The following PDE1A variants were observed in gnomAD, a reference collection of about 807,000 sequenced individuals.
PDE1A encodes the protein phosphodiesterase 1A, also known as dual specificity calcium/calmodulin-dependent 3',5'-cyclic nucleotide phosphodiesterase 1A.
In PDE1A, 35 loss-of-function variants were observed where a neutral mutation model predicts 61.7. The ratio of observed to expected loss-of-function variants is 0.57; its 90% CI spans 0.43 to 0.75. PDE1A has a LOEUF of 0.75. PDE1A is among the 30% of genes least tolerant of loss of function. The pLI is 0.00. For missense variants in PDE1A, 597 were observed against 630.6 expected (o/e 0.95, Z 0.57); for synonymous variants, 232 against 213.2 (o/e 1.09, Z -0.77).
the PDE1A span, among the ~76,000 whole-genome samples, chr2:182,708,086 C>T: frequency 6.6e-6 from 1 of 152,118 alleles, no homozygotes; most frequent in Non-Finnish European, 1.5e-5. Flanking sequence ...TTGATCATTA[C>T]ATATTATATA....
the PDE1A span, among the ~76,000 whole-genome samples, chr2:182,662,236 A>C: frequency 6.6e-6 from 1 of 151,206 alleles, no homozygotes; most frequent in Non-Finnish European, 1.5e-5. Flanking sequence ...TATCCAAAAA[A>C]AAGTTTGTTA....
At chr2:182,247,965 T>C (rs1342330166) in intron 2 of PDE1A, among the ~76,000 whole-genome samples, 1 of 152,172 alleles carries the variant, frequency 6.6e-6, no homozygotes, top group East Asian at 1.9e-4. Context: ...GTAAATGCTT[T>C]TTAAAAATGA....
At chr2:182,605,604 G>A in the PDE1A span, among the ~76,000 whole-genome samples, 1 of 152,174 alleles carries the variant, frequency 6.6e-6, no homozygotes, top group South Asian at 2.1e-4. Flanking sequence ...AAGTTTGCTT[G>A]TTTCCACTAT....
chr2:182,174,990 T>C (rs2368254), intron 13 of PDE1A, among the ~76,000 whole-genome samples: 113,425 of 151,956 alleles, frequency 0.75, 42,564 homozygotes, highest in East Asian at 0.91. Flanking sequence ...TAAGAACATG[T>C]TGTATTTGGT....
chr2:182,523,148 G>T (rs1690662311), upstream of PDE1A: 1 of 152,156 alleles, frequency 6.6e-6, no homozygotes, highest in Non-Finnish European at 1.5e-5. Context: ...AATTTAACCA[G>T]TGGAAAATAC....
chr2:182,662,330 GA>G, the PDE1A span, among the ~76,000 whole-genome samples: 3 of 70,866 alleles, frequency 4.2e-5, no homozygotes, highest in East Asian at 3.7e-4. Context: ...CTTAAAAATT[GA>G]AAAAAAAAAG....
At chr2:182,651,003 T>TTGTTG in the PDE1A span, among the ~76,000 whole-genome samples, 2 of 152,098 alleles carry the variant, frequency 1.3e-5, no homozygotes, top group East Asian at 1.9e-4. Flanking sequence ...GGTTTTTGTT[T>TTGTTG]TGTTTTGTTT....
In PDE1A at chr2:182,364,490, A is replaced by AAAAAAAAAAAAAAAAAAAAAAC. The variant is rs1559379251; in HGVS notation, c.53+62087_53+62088insGTTTTTTTTTTTTTTTTTTTTT. On this transcript the variant is annotated intron_variant, in intron 1 of 13. Transcript: ENST00000351439. ...GTAAAAAAAAAAAAAAAAAAAAAAA[A>AAAAAAAAAAAAAAAAAAAAAAC]AAAAAAAAACCTTATTCTGAATTAT... 3.5e-5 allele frequency among the ~76,000 whole-genome samples: 5 copies of AAAAAAAAAAAAAAAAAAAAAAC among 144,082 alleles called. No individual in the cohort carries two copies. In the East Asian group the frequency reaches 9.3e-4, roughly 27 times the overall value. 94.5% of individuals were successfully genotyped at this position (144,082 alleles called of 152,430 possible). A position where few individuals can be genotyped will look rare whatever the true frequency, so the allele number is the denominator to read the frequency against.
chr2:182,559,921 C>T, the PDE1A span, among the ~76,000 whole-genome samples: 1 of 151,722 alleles, frequency 6.6e-6, no homozygotes, highest in Admixed American at 6.6e-5. Flanking sequence ...CAAAGCTAAC[C>T]CATATTTGTA....
At chr2:182,587,895 T>A in the PDE1A span, among the ~76,000 whole-genome samples, 1 of 152,150 alleles carries the variant, frequency 6.6e-6, no homozygotes, top group African/African-American at 2.4e-5. Context: ...AAAGAAGACA[T>A]TTAGCATGAG....
the PDE1A span, among the ~76,000 whole-genome samples, chr2:182,689,661 C>T: frequency 6.6e-6 from 1 of 151,988 alleles, no homozygotes; most frequent in Non-Finnish European, 1.5e-5. Context: ...TAGCAGAAGG[C>T]AAGAAATAAC....
chr2:182,673,258 T>G, the PDE1A span, among the ~76,000 whole-genome samples: 1 of 152,226 alleles, frequency 6.6e-6, no homozygotes, highest in East Asian at 1.9e-4. Flanking sequence ...AGGCTGAGCT[T>G]AAAATTTCAA....
chr2:182,559,087 T>C, the PDE1A span, among the ~76,000 whole-genome samples: 5 of 152,212 alleles, frequency 3.3e-5, no homozygotes, highest in Non-Finnish European at 7.4e-5. Flanking sequence ...TTTCAAATCA[T>C]ATCACCTTAA....
chr2:182,377,184 G>A (rs1382731937), intron 1 of PDE1A, among the ~76,000 whole-genome samples: 2 of 152,176 alleles, frequency 1.3e-5, no homozygotes, highest in South Asian at 2.1e-4. Flanking sequence ...TGCTGGAAGT[G>A]GGGCCTAGTG....
chr2:182,225,822 G>T (rs1689097184), intron 6 of PDE1A, among the ~76,000 whole-genome samples: 1 of 150,088 alleles, frequency 6.7e-6, no homozygotes, highest in Admixed American at 6.6e-5. Context: ...ATTAGTGATT[G>T]TAATTCATGT....
At chr2:182,358,635 G>A (rs771561329) in intron 1 of PDE1A, among the ~76,000 whole-genome samples, 1 of 151,932 alleles carries the variant, frequency 6.6e-6, no homozygotes, top group African/African-American at 2.4e-5. Context: ...ATTACACTAC[G>A]AGTTTTTTGG....
At chr2:182,421,482 ATGAATT>A (rs1323695365) in intron 1 of PDE1A, among the ~76,000 whole-genome samples, 4 of 152,204 alleles carry the variant, frequency 2.6e-5, no homozygotes, top group Non-Finnish European at 4.4e-5. Flanking sequence ...CAAGTTTTCT[ATGAATT>A]TTCCCTCTTG....
At chr2:182,449,840 C>T (rs2125710629) in intron 2 of PDE1A, among the ~76,000 whole-genome samples, 1 of 152,130 alleles carries the variant, frequency 6.6e-6, no homozygotes, top group South Asian at 2.1e-4. Flanking sequence ...ATAATAACTA[C>T]TACATAGGGC....
the PDE1A span, among the ~76,000 whole-genome samples, chr2:182,667,536 C>T: frequency 1.3e-5 from 2 of 152,234 alleles, no homozygotes; most frequent in African/African-American, 2.4e-5. Context: ...TCCTCTGAGT[C>T]TCCTCAGACA....
Sources: allele counts gnomAD v4.1 joint callset (sites outside exome capture counted in the v4.1 genomes callset), GRCh38; gene constraint gnomAD v4.1.1; transcripts MANE v1.5; gene names NCBI Gene and HGNC (gene_info 2026-07-23, HGNC 2026-07-21).